Variants in ME1 observed in about 807,000 individuals in gnomAD.
ME1 encodes malic enzyme 1, also known as NADP-dependent malic enzyme.
In ME1, 74 loss-of-function variants were observed where a neutral mutation model predicts 66.4. That is an observed-to-expected ratio of 1.11 (90% CI 0.92 to 1.35). The LOEUF is 1.35. ME1 is among the 40% of genes most tolerant of loss of function. The pLI is 0.00. For synonymous variants in ME1, 251 were observed against 235.6 expected, an observed-to-expected ratio of 1.07 and a Z score of -0.60; for missense variants, 750 against 694.1, an observed-to-expected ratio of 1.08 and a Z score of -0.90.
At chr6:83,327,400 T>C (rs935440634) in intron 5 of ME1, among the ~76,000 whole-genome samples, 3 of 152,212 alleles carry the variant, frequency 2.0e-5, no homozygotes, top group African/African-American at 4.8e-5. Context: ...ATTCTTTTTC[T>C]CAGCATGGAA....
chr6:83,328,294 C>G, intron 5 of ME1, among the ~76,000 whole-genome samples: 1 of 152,018 alleles, frequency 6.6e-6, no homozygotes, highest in East Asian at 1.9e-4. Context: ...GGGAGGGGAA[C>G]ATCACACAGC....
At chr6:83,342,359 T>A (rs947365546) in intron 5 of ME1, among the ~76,000 whole-genome samples, 10 of 152,188 alleles carry the variant, frequency 6.6e-5, no homozygotes, top group Non-Finnish European at 1.0e-4. Flanking sequence ...AACAAGAGTA[T>A]ATAATAACTG....
intron 4 of ME1, among the ~76,000 whole-genome samples, chr6:83,348,920 G>T (rs1232069288): frequency 2.1e-5 from 3 of 144,188 alleles, no homozygotes; most frequent in Non-Finnish European, 4.5e-5. Flanking sequence ...GGAGGCGGAG[G>T]TTGCAGTGAG....
intron 5 of ME1, among the ~76,000 whole-genome samples, chr6:83,341,851 A>C (rs1344901999): frequency 6.6e-6 from 1 of 152,122 alleles, no homozygotes; most frequent in Non-Finnish European, 1.5e-5. Flanking sequence ...GAGAAATTGA[A>C]AGTACCTCTG....
chr6:83,334,022 GA>G (rs1768472123), intron 5 of ME1, among the ~76,000 whole-genome samples: 1 of 151,974 alleles, frequency 6.6e-6, no homozygotes, highest in Admixed American at 6.5e-5. Flanking sequence ...CGACGCAGAA[GA>G]CGGGTGATTT....
At chr6:83,420,288 G>A (rs527923828) in intron 1 of ME1, among the ~76,000 whole-genome samples, 44 of 152,128 alleles carry the variant, frequency 2.9e-4, no homozygotes, top group Non-Finnish European at 5.0e-4. Flanking sequence ...GGCTGGCCTC[G>A]AACTCCTGAC....
At chr6:83,379,487 A>G (rs1583408731) in intron 3 of ME1, among the ~76,000 whole-genome samples, 1 of 152,124 alleles carries the variant, frequency 6.6e-6, no homozygotes. Flanking sequence ...ACAGAATAAC[A>G]TAATAGCTTC....
intron 3 of ME1, among the ~76,000 whole-genome samples, chr6:83,371,211 C>T (rs1258866618): frequency 1.3e-5 from 2 of 152,130 alleles, no homozygotes; most frequent in Admixed American, 1.3e-4. Flanking sequence ...AGAGCAATAG[C>T]TTCTTAGTTG....
chr6:83,371,798 C>T (rs1009260955), intron 3 of ME1, among the ~76,000 whole-genome samples: 2 of 152,134 alleles, frequency 1.3e-5, no homozygotes, highest in African/African-American at 4.8e-5. Context: ...TCACTAGTTT[C>T]CTTCAAGTCT....
intron 5 of ME1, among the ~76,000 whole-genome samples, chr6:83,319,102 A>G (rs1768100598): frequency 6.7e-6 from 1 of 150,020 alleles, no homozygotes; most frequent in Admixed American, 6.7e-5. Context: ...GAACTGAACA[A>G]TGAGAACACA....
intron 6 of ME1, among the ~76,000 whole-genome samples, chr6:83,256,482 C>T (rs1474560765): frequency 6.6e-6 from 1 of 151,976 alleles, no homozygotes; most frequent in Admixed American, 6.6e-5. Flanking sequence ...AAATCAAAAC[C>T]ACAGTGAGAT....
intron 1 of ME1, among the ~76,000 whole-genome samples, chr6:83,425,890 A>C (rs181327267): frequency 1.5e-4 from 22 of 144,338 alleles, no homozygotes; most frequent in Non-Finnish European, 2.4e-4. Context: ...TATGGTTTCA[A>C]TCTGTCCCCA....
intron 3 of ME1, among the ~76,000 whole-genome samples, chr6:83,379,530 T>A (rs995016232): frequency 2.6e-5 from 4 of 152,022 alleles, no homozygotes; most frequent in Non-Finnish European, 4.4e-5. Context: ...TAAACACCGT[T>A]TTCAGTAATT....
intron 5 of ME1, among the ~76,000 whole-genome samples, chr6:83,321,719 C>A (rs1768179472): frequency 6.6e-6 from 1 of 152,168 alleles, no homozygotes. Context: ...CAGCTGTGCG[C>A]ACAGCTTCAG....
chr6:83,415,775 C>T (rs1392310483), intron 1 of ME1, among the ~76,000 whole-genome samples: 1 of 152,142 alleles, frequency 6.6e-6, no homozygotes, highest in Admixed American at 6.5e-5. Context: ...CATTCAAGAT[C>T]AACTTTGGTT....
intron 1 of ME1, among the ~76,000 whole-genome samples, chr6:83,411,685 A>C (rs1770051283): frequency 6.6e-6 from 1 of 152,218 alleles, no homozygotes; most frequent in Admixed American, 6.5e-5. Flanking sequence ...CAAATTATAC[A>C]TGCAGGTTCT....
At chr6:83,219,406 A>G (rs1001168775) in intron 12 of ME1, among the ~76,000 whole-genome samples, 3 of 152,166 alleles carry the variant, frequency 2.0e-5, no homozygotes, top group African/African-American at 4.8e-5. Flanking sequence ...AATTCCATCA[A>G]TTACTGTCTG....
At chr6:83,334,055 C>A (rs369670739) in intron 5 of ME1, among the ~76,000 whole-genome samples, 1 of 152,060 alleles carries the variant, frequency 6.6e-6, no homozygotes, top group Non-Finnish European at 1.5e-5. Context: ...TCTGAGGTAC[C>A]GGGTTCTTCT....
chr6:83,226,119 A>T (rs1013885366), intron 11 of ME1, among the ~76,000 whole-genome samples: 1 of 152,052 alleles, frequency 6.6e-6, no homozygotes, highest in South Asian at 2.1e-4. Flanking sequence ...TTTTTCTCCA[A>T]TCCTTTAGCC....
Sources: gnomAD v4.1 joint callset for allele counts (sites outside exome capture counted in the v4.1 genomes callset) on GRCh38, gnomAD v4.1.1 for gene constraint, MANE v1.5 for transcripts, NCBI Gene and HGNC (gene_info 2026-07-23, HGNC 2026-07-21) for gene names.